Variants in CSNK1A1 observed in about 807,000 individuals in gnomAD.
CSNK1A1 encodes the protein casein kinase 1 alpha 1.
CSNK1A1 carries 7 observed loss-of-function variants against 46.1 expected under a neutral mutation model. The observed-to-expected ratio is 0.15, with a 90% CI of 0.09 to 0.29. CSNK1A1 has a LOEUF of 0.29. Among genes scored for constraint, CSNK1A1 ranks in the 10% least tolerant of loss-of-function variants. CSNK1A1 has a pLI of 1.00. For missense variants in CSNK1A1, 96 were observed against 417.1 expected, an observed-to-expected ratio of 0.23 and a Z score of 6.71; for synonymous variants, 137 against 141.5, an observed-to-expected ratio of 0.97 and a Z score of 0.23.
In CSNK1A1 at chr5:149,525,279, C is replaced by A; in HGVS notation, c.231-108G>T. 1.8e-6 allele frequency: 2 copies of A among 1,116,430 alleles called. No individual in the cohort carries two copies. Among genetic ancestry groups the A allele is most frequent in the Admixed American group, 3.3e-5 (1 of 30,588 alleles). The allele number at this position is 1,116,430 out of a possible 1,614,324, so 69.2% of individuals were successfully genotyped here. On this transcript the variant is annotated intron_variant, in intron 2 of 9. Coordinates refer to ENST00000377843, the MANE Select transcript of CSNK1A1 (RefSeq NM_001892.6). The surrounding 1 kb of genome is among the most constrained non-coding windows in gnomAD (Gnocchi z 4.2). ...TTCACTGACTAGGTATTATATAAGG[C>A]GAATGTTCCCCTACTCAGAAGACAA...
chr5:149,500,861 G>GT (rs1442973859), intron 9 of CSNK1A1, among the ~76,000 whole-genome samples: 1 of 151,060 alleles, frequency 6.6e-6, no homozygotes, highest in Non-Finnish European at 1.5e-5. Flanking sequence ...AACTAAAAGA[G>GT]TATTTAAAGT....
At chr5:149,536,553 G>A (rs1283628192) in intron 2 of CSNK1A1, among the ~76,000 whole-genome samples, 3 of 152,134 alleles carry the variant, frequency 2.0e-5, no homozygotes, top group African/African-American at 4.8e-5. Context: ...TTTGTTTTAC[G>A]TAGCAAATAC....
rs1441118369 is a variant in CSNK1A1, at chr5:149,495,471, T to C, written c.*1382A>G. On this transcript the variant is annotated 3_prime_UTR_variant, in exon 10 of 10. Transcript: ENST00000377843. ...AAAGAAATGAGCGTGCAAAGAAGAT[T>C]GAGAGGAAGCGCACGCACACAGATA... is the stretch of plus-strand genomic sequence containing the variant. 6.6e-6 allele frequency: 1 copy of C among 151,992 alleles called. No individual in the cohort carries two copies. The highest frequency in any genetic ancestry group is 1.5e-5 in the Non-Finnish European group (1 of 68,002). 9.4% of individuals were successfully genotyped at this position (151,992 alleles called of 1,614,324 possible).
rs144675481 is a variant in CSNK1A1, at chr5:149,526,779, G to C, written c.231-1608C>G. On this transcript the variant is annotated intron_variant, in intron 2 of 9. Transcript: ENST00000377843. Reference sequence around the variant, plus strand: ...AATTTCAGGCATAGCACCTGAGAAAGGGGGGGGAGCCTCAAATCAGTCAGC... The same window carrying C: ...AATTTCAGGCATAGCACCTGAGAAACGGGGGGGAGCCTCAAATCAGTCAGC... Among the ~76,000 whole-genome samples the C allele has an allele frequency of 2.4e-3, 340 of 144,276 alleles. 5 individuals are homozygous for C. The South Asian group carries it at 0.037, about 15-fold the overall frequency. The allele number at this position is 144,276 out of a possible 152,430, so 94.7% of individuals were successfully genotyped here. A position where few individuals can be genotyped will look rare whatever the true frequency, so the allele number is the denominator to read the frequency against.
intron 2 of CSNK1A1, among the ~76,000 whole-genome samples, chr5:149,536,112 C>T (rs775608144): frequency 6.6e-5 from 10 of 152,170 alleles, no homozygotes; most frequent in Non-Finnish European, 1.5e-4. Context: ...CGCCACCACG[C>T]CTGACTAATT....
intron 3 of CSNK1A1, among the ~76,000 whole-genome samples, chr5:149,521,279 T>TA (rs1325983150): frequency 6.7e-6 from 1 of 149,172 alleles, no homozygotes; most frequent in Non-Finnish European, 1.5e-5. Context: ...TCTTTTTTTT[T>TA]TTTTTTTTTT....
chr5:149,539,446 G>A (rs771880287), intron 2 of CSNK1A1, among the ~76,000 whole-genome samples: 5 of 149,040 alleles, frequency 3.4e-5, no homozygotes, highest in Admixed American at 3.3e-4. Flanking sequence ...AGGCCTAGGC[G>A]GCCGAGCAAG....
chr5:149,545,610 C>T, intron 2 of CSNK1A1: 1 of 842,726 alleles, frequency 1.2e-6, no homozygotes. Context: ...GCTTAACCTC[C>T]TTGGGCTTTA....
intron 4 of CSNK1A1, 49 bp from the exon 5 acceptor site, chr5:149,513,258 A>C (rs1049396988): frequency 1.3e-6 from 2 of 1,525,764 alleles, no homozygotes; most frequent in Non-Finnish European, 9.0e-7. Context: ...TTGTTCAATT[A>C]AACTGCGTCT....
At position 149,493,335 on chromosome 5, in the gene CSNK1A1, C is replaced by T. The variant is rs1034410248; in HGVS notation, c.*3518G>A. On this transcript the variant is annotated 3_prime_UTR_variant, in exon 10 of 10. Transcript: ENST00000377843. Reference sequence around the variant, plus strand: ...CCTCCCAAAGTGCTGGAATCACAGGCGTGTGCCACTGCTCCTAGCCAACCA... The same window carrying T: ...CCTCCCAAAGTGCTGGAATCACAGGTGTGTGCCACTGCTCCTAGCCAACCA... 1 of 147,146 alleles carries T rather than the reference C, an allele frequency of 6.8e-6. No individual in the cohort carries two copies. Among genetic ancestry groups the T allele is most frequent in the African/African-American group, 2.5e-5 (1 of 39,986 alleles). 9.1% of individuals were successfully genotyped at this position (147,146 alleles called of 1,614,324 possible).
intron 2 of CSNK1A1, among the ~76,000 whole-genome samples, chr5:149,543,201 A>AGT (rs981800195): frequency 4.6e-5 from 7 of 152,258 alleles, no homozygotes; most frequent in African/African-American, 1.7e-4. Context: ...AACGATGTGG[A>AGT]GTGTGTGAGA....
chr5:149,551,123 G>T lies in CSNK1A1; in HGVS notation c.-159C>A. The T allele has an allele frequency of 1.4e-6, 1 of 694,682 alleles. No homozygotes were observed. The highest frequency in any genetic ancestry group is 2.4e-6 in the Non-Finnish European group (1 of 419,876). 43.0% of individuals were successfully genotyped at this position (694,682 alleles called of 1,614,324 possible). The stretch of plus-strand genomic sequence containing the variant: ...GGTTCGGGGCCCAGAATCAGCAGAG[G>T]GGAACCTGATCACCGCCGCTCAGTC... On this transcript the variant is annotated 5_prime_UTR_variant, in exon 1 of 10. Transcript: ENST00000377843.
intron 2 of CSNK1A1, among the ~76,000 whole-genome samples, chr5:149,536,418 G>A (rs1030983932): frequency 1.3e-5 from 2 of 152,164 alleles, no homozygotes; most frequent in Non-Finnish European, 2.9e-5. Flanking sequence ...TAAATGGATA[G>A]AGCTAAGTAT....
At chr5:149,506,600 C>A (rs78703716) in intron 8 of CSNK1A1, among the ~76,000 whole-genome samples, 3 of 152,158 alleles carry the variant, frequency 2.0e-5, no homozygotes, top group South Asian at 2.1e-4. Flanking sequence ...CTATTCCCCC[C>A]CCTTTTTCAA....
At chr5:149,527,594 G>A (rs1397374611) in intron 2 of CSNK1A1, among the ~76,000 whole-genome samples, 1 of 152,160 alleles carries the variant, frequency 6.6e-6, no homozygotes, top group Non-Finnish European at 1.5e-5. Context: ...ATAAATAACA[G>A]TATTAAAAGG....
intron 2 of CSNK1A1, among the ~76,000 whole-genome samples, chr5:149,530,661 T>G (rs1168964667): frequency 6.6e-6 from 1 of 152,112 alleles, no homozygotes; most frequent in Non-Finnish European, 1.5e-5. Context: ...TTTAGGATAC[T>G]ACTGCTAACA....
chr5:149,537,248 C>T (rs781037333), intron 2 of CSNK1A1, among the ~76,000 whole-genome samples: 7 of 152,040 alleles, frequency 4.6e-5, no homozygotes, highest in East Asian at 1.9e-4. Flanking sequence ...CAGTAGTGGG[C>T]GCCTGTAATC....
rs1447362639 is a variant in CSNK1A1 at position 149,495,673 on chromosome 5, C to G, written c.*1180G>C. On this transcript the variant is annotated 3_prime_UTR_variant, in exon 10 of 10. Transcript: ENST00000377843. ...TTTTTATTCAAAATCAGTCCAGCTG[C>G]TAGTCAGCGGGCAGCAGCTACAATA... is the stretch of plus-strand genomic sequence containing the variant. The G allele has an allele frequency of 6.7e-6, 1 of 149,204 alleles. No individual in the cohort carries two copies. Among genetic ancestry groups the G allele is most frequent in the Non-Finnish European group, 1.5e-5 (1 of 67,664 alleles). 9.2% of individuals were successfully genotyped at this position (149,204 alleles called of 1,614,324 possible).
intron 4 of CSNK1A1, among the ~76,000 whole-genome samples, chr5:149,518,669 C>T (rs867163699): frequency 3.3e-5 from 5 of 152,026 alleles, no homozygotes; most frequent in Admixed American, 6.6e-5. Context: ...GCAAGCAGCT[C>T]CACAAAATTA....
Sources: allele counts gnomAD v4.1 joint callset (sites outside exome capture counted in the v4.1 genomes callset), GRCh38; gene constraint gnomAD v4.1.1; non-coding constraint Gnocchi (gnomAD v3.1); transcripts MANE v1.5; gene names NCBI Gene and HGNC (gene_info 2026-07-23, HGNC 2026-07-21).